ENOX1: variants seen among roughly 807,000 people sequenced by gnomAD.
The protein encoded by ENOX1 is candidate growth-related and time keeping constitutive hydroquinone (NADH) oxidase.
A neutral mutation model predicts 82.5 loss-of-function variants in ENOX1; 42 were observed. That is an observed-to-expected ratio of 0.51 (90% confidence interval 0.40 to 0.66). ENOX1 has a LOEUF of 0.66. Among genes scored for constraint, ENOX1 ranks in the 30% least tolerant of loss-of-function variants. The probability of loss-of-function intolerance (pLI) is 0.00; values close to 1 mark genes in which losing one functional copy is unlikely to be tolerated. For synonymous variants in ENOX1, 271 were observed against 282.2 expected (o/e 0.96, Z 0.40); for missense variants, 608 against 811.6 (o/e 0.75, Z 3.05).
At chr13:43,502,168 A>C (rs996880934) in intron 2 of ENOX1, among the ~76,000 whole-genome samples, 2 of 151,672 alleles carry the variant, frequency 1.3e-5, no homozygotes, top group African/African-American at 4.8e-5. Flanking sequence ...ACCACACTGA[A>C]TCATGAAGAA....
At chr13:43,668,229 A>AC (rs1479444546) in intron 1 of ENOX1, among the ~76,000 whole-genome samples, 1 of 152,214 alleles carries the variant, frequency 6.6e-6, no homozygotes, top group Non-Finnish European at 1.5e-5. Flanking sequence ...CCTGAGACCT[A>AC]CTGCAACAGA....
intron 13 of ENOX1, 97 bp downstream of exon 13, chr13:43,269,373 T>C: frequency 2.2e-6 from 2 of 925,650 alleles, no homozygotes; most frequent in Non-Finnish European, 3.5e-6. Flanking sequence ...GTACTGCAGA[T>C]TACTTTCAGT....
At chr13:43,611,380 G>A (rs181677189) in intron 2 of ENOX1, among the ~76,000 whole-genome samples, 11 of 152,228 alleles carry the variant, frequency 7.2e-5, no homozygotes, top group Non-Finnish European at 1.6e-4. Flanking sequence ...TGGCAAACAC[G>A]ACTGCATCAC....
intron 2 of ENOX1, among the ~76,000 whole-genome samples, chr13:43,657,776 T>C (rs1283262595): frequency 6.6e-6 from 1 of 152,238 alleles, no homozygotes; most frequent in Non-Finnish European, 1.5e-5. Context: ...CGTCTTTTAC[T>C]GGCATCCAGG....
intron 3 of ENOX1, among the ~76,000 whole-genome samples, chr13:43,476,965 C>T (rs2058308872): frequency 6.6e-6 from 1 of 151,620 alleles, no homozygotes; most frequent in Non-Finnish European, 1.5e-5. Context: ...AGAAAGTGAA[C>T]ATACTTCATT....
At chr13:43,708,600 T>C (rs566093615) in intron 1 of ENOX1, among the ~76,000 whole-genome samples, 6 of 152,288 alleles carry the variant, frequency 3.9e-5, no homozygotes, top group Admixed American at 6.5e-5. Flanking sequence ...TTGGTGCAGC[T>C]AACAATAGGA....
intron 1 of ENOX1, among the ~76,000 whole-genome samples, chr13:43,757,790 C>T (rs1950736767): frequency 6.6e-6 from 1 of 152,180 alleles, no homozygotes; most frequent in South Asian, 2.1e-4. Context: ...CCTACTAGTA[C>T]ACTCTTGGTC....
chr13:43,259,564 G>A (rs1322962199), intron 14 of ENOX1, among the ~76,000 whole-genome samples: 4 of 152,126 alleles, frequency 2.6e-5, no homozygotes, highest in Non-Finnish European at 1.5e-5. Flanking sequence ...TGCCTCGTGA[G>A]TCCCAGTTCA....
intron 5 of ENOX1, among the ~76,000 whole-genome samples, chr13:43,381,471 TA>T (rs57762148): frequency 0.026 from 3,661 of 138,346 alleles, 136 homozygotes; most frequent in African/African-American, 0.087. Context: ...TTCTATCTTA[TA>T]AAAAAAAAAA....
chr13:43,225,500 A>T (rs1452940978), intron 15 of ENOX1, among the ~76,000 whole-genome samples: 1 of 152,222 alleles, frequency 6.6e-6, no homozygotes, highest in Non-Finnish European at 1.5e-5. Flanking sequence ...GATGAATTAA[A>T]TCTGAGGGTA....
chr13:43,750,352 T>G (rs1950243452), intron 1 of ENOX1, among the ~76,000 whole-genome samples: 1 of 152,164 alleles, frequency 6.6e-6, no homozygotes, highest in Non-Finnish European at 1.5e-5. Flanking sequence ...CATCCCTTAA[T>G]AGTGTCAAAA....
intron 2 of ENOX1, among the ~76,000 whole-genome samples, chr13:43,611,126 C>T (rs1463812812): frequency 2.0e-5 from 3 of 152,096 alleles, no homozygotes; most frequent in Non-Finnish European, 1.5e-5. Flanking sequence ...TTGCAAATTG[C>T]CTAAGTGTTA....
intron 2 of ENOX1, among the ~76,000 whole-genome samples, chr13:43,605,437 C>T (rs751134182): frequency 6.6e-6 from 1 of 152,138 alleles, no homozygotes; most frequent in African/African-American, 2.4e-5. Context: ...AACCAAACAG[C>T]ATGGTACTGG....
intron 1 of ENOX1, among the ~76,000 whole-genome samples, chr13:43,734,199 GGTTGTTGTTGTTGTTGTTGTTGTTGTT>G (rs143259339): frequency 2.6e-5 from 4 of 151,114 alleles, no homozygotes; most frequent in South Asian, 2.1e-4. Context: ...TTTTGTTGTT[GGTTGTTGTTGTTGTTGTTGTTGTTGTT>G]GTTGTTGTTG....
intron 3 of ENOX1, among the ~76,000 whole-genome samples, chr13:43,439,041 C>CTTTTATTTTTTTT (rs2056203483): frequency 8.3e-6 from 1 of 120,146 alleles, no homozygotes. Flanking sequence ...GTCTTTTAAT[C>CTTTTATTTTTTTT]TTTTTTTTTT....
chr13:43,410,710 C>A (rs992130221), intron 5 of ENOX1, among the ~76,000 whole-genome samples: 3 of 151,664 alleles, frequency 2.0e-5, no homozygotes, highest in African/African-American at 7.3e-5. Flanking sequence ...CAAAAAGAAA[C>A]ACAACAAAAA....
intron 2 of ENOX1, chr13:43,545,143 C>T (rs1313299573): frequency 6.6e-6 from 1 of 152,178 alleles, no homozygotes; most frequent in African/African-American, 2.4e-5. Flanking sequence ...GGGGCACAAC[C>T]TTCAATGGTA....
chr13:43,384,322 TC>T (rs2052267069), intron 5 of ENOX1, among the ~76,000 whole-genome samples: 1 of 152,100 alleles, frequency 6.6e-6, no homozygotes, highest in East Asian at 1.9e-4. Flanking sequence ...TAGAAATACT[TC>T]CTCTAACAAT....
chr13:43,285,704 C>A (rs34073182), intron 12 of ENOX1, among the ~76,000 whole-genome samples: 1 of 149,676 alleles, frequency 6.7e-6, no homozygotes, highest in African/African-American at 2.5e-5. Flanking sequence ...ACTCAGGAGG[C>A]TGAGGCAGGA....
Sources: gnomAD v4.1 joint callset for allele counts (sites outside exome capture counted in the v4.1 genomes callset) on GRCh38, gnomAD v4.1.1 for gene constraint, MANE v1.5 for transcripts, NCBI Gene and HGNC (gene_info 2026-07-23, HGNC 2026-07-21) for gene names.